Variants in CDH18 observed in about 807,000 individuals in gnomAD.
CDH18 encodes the protein cadherin-18.
CDH18 carries 31 observed loss-of-function variants against 67.9 expected under a neutral mutation model. That is an observed-to-expected ratio of 0.46 (90% CI 0.34 to 0.62). CDH18 has a LOEUF of 0.62. CDH18 is among the 20% of genes least tolerant of loss of function. The probability of loss-of-function intolerance (pLI) is 0.01; values close to 1 mark genes in which losing one functional copy is unlikely to be tolerated. For missense variants in CDH18, 890 were observed against 975.5 expected (o/e 0.91, Z 1.17); for synonymous variants, 362 against 347.2 (o/e 1.04, Z -0.48).
intron 3 of CDH18, among the ~76,000 whole-genome samples, chr5:19,761,246 G>A (rs572413595): frequency 6.6e-6 from 1 of 152,288 alleles, no homozygotes; most frequent in East Asian, 1.9e-4. Context: ...TTGAGGCTCA[G>A]TATCTGCTTC....
intron 3 of CDH18, among the ~76,000 whole-genome samples, chr5:19,752,653 T>C (rs1170747499): frequency 1.3e-5 from 2 of 152,124 alleles, no homozygotes; most frequent in Non-Finnish European, 1.5e-5. Flanking sequence ...CCACCTGCCA[T>C]GGGTTCCTCT....
At chr5:19,947,804 A>G (rs902634829) in intron 2 of CDH18, among the ~76,000 whole-genome samples, 22 of 152,112 alleles carry the variant, frequency 1.4e-4, no homozygotes, top group Admixed American at 6.6e-4. Flanking sequence ...ATTGCTTTTC[A>G]ACAGACTCTG....
intron 2 of CDH18, among the ~76,000 whole-genome samples, chr5:20,015,962 A>G (rs1344242441): frequency 1.3e-5 from 2 of 152,134 alleles, no homozygotes; most frequent in African/African-American, 2.4e-5. Context: ...TGTGGTTGTG[A>G]GAAAACAAAA....
intron 2 of CDH18, among the ~76,000 whole-genome samples, chr5:20,139,794 C>T (rs1013912835): frequency 1.6e-4 from 25 of 152,106 alleles, no homozygotes; most frequent in Non-Finnish European, 2.9e-4. Flanking sequence ...GTTAGAATGG[C>T]GATCATTAAA....
intron 1 of CDH18, among the ~76,000 whole-genome samples, chr5:20,356,751 CTCTATATA>C (rs1484514079): frequency 4.7e-5 from 6 of 127,072 alleles, no homozygotes; most frequent in African/African-American, 1.9e-4. Context: ...CTCTCTCTCT[CTCTATATA>C]TATATATATA....
At chr5:19,893,366 T>C (rs1320949648) in intron 2 of CDH18, among the ~76,000 whole-genome samples, 1 of 152,172 alleles carries the variant, frequency 6.6e-6, no homozygotes, top group Non-Finnish European at 1.5e-5. Flanking sequence ...AGTACCATAG[T>C]GAGAAAAGTT....
chr5:19,609,505 G>C (rs570781181), intron 6 of CDH18, among the ~76,000 whole-genome samples: 4 of 151,994 alleles, frequency 2.6e-5, no homozygotes, highest in South Asian at 2.1e-4. Flanking sequence ...CTCTAGAGTA[G>C]AGACATTGTA....
chr5:19,658,656 C>CT (rs869137343), intron 5 of CDH18, among the ~76,000 whole-genome samples: 44 of 145,406 alleles, frequency 3.0e-4, no homozygotes, highest in South Asian at 1.3e-3. Flanking sequence ...TTCTTTTTTT[C>CT]TTTTTTTTTT....
intron 3 of CDH18, among the ~76,000 whole-genome samples, chr5:19,752,569 C>T (rs1770992304): frequency 6.6e-6 from 1 of 152,110 alleles, no homozygotes; most frequent in African/African-American, 2.4e-5. Context: ...GGCCCTGCCC[C>T]CACCCAATGG....
chr5:19,729,120 G>A (rs1048344793), intron 4 of CDH18, among the ~76,000 whole-genome samples: 1 of 152,018 alleles, frequency 6.6e-6, no homozygotes, highest in Non-Finnish European at 1.5e-5. Context: ...TAATTTCTGT[G>A]CACTTTCAAT....
intron 1 of CDH18, among the ~76,000 whole-genome samples, chr5:20,494,806 A>G (rs1044108480): frequency 1.3e-5 from 2 of 152,078 alleles, no homozygotes. Context: ...GGATATCCCT[A>G]CAGAAAAAGT....
intron 10 of CDH18, among the ~76,000 whole-genome samples, chr5:19,515,309 G>A (rs559752105): frequency 1.1e-4 from 16 of 152,280 alleles, no homozygotes; most frequent in African/African-American, 3.9e-4. Context: ...TTTTTGCTTA[G>A]GATTGTCTTG....
At chr5:19,584,630 G>C (rs577385426) in intron 7 of CDH18, among the ~76,000 whole-genome samples, 1 of 151,438 alleles carries the variant, frequency 6.6e-6, no homozygotes, top group African/African-American at 2.4e-5. Flanking sequence ...TACCTCAGAG[G>C]AAATCTAGAC....
At chr5:20,399,956 G>A (rs972330140) in intron 1 of CDH18, among the ~76,000 whole-genome samples, 2 of 152,090 alleles carry the variant, frequency 1.3e-5, no homozygotes, top group Non-Finnish European at 2.9e-5. Context: ...ATAAGACAGT[G>A]TACACTCTTA....
At chr5:20,477,631 C>T (rs1344834368) in intron 1 of CDH18, among the ~76,000 whole-genome samples, 1 of 152,216 alleles carries the variant, frequency 6.6e-6, no homozygotes, top group Non-Finnish European at 1.5e-5. Flanking sequence ...TGATGGGAAC[C>T]TGAGTTCCAG....
intron 2 of CDH18, among the ~76,000 whole-genome samples, chr5:20,067,601 A>G (rs927520562): frequency 1.3e-5 from 2 of 152,070 alleles, no homozygotes; most frequent in African/African-American, 2.4e-5. Context: ...CTTGTTTCCA[A>G]TCTCAAACTA....
chr5:19,611,092 C>T (rs1748874631), intron 6 of CDH18, among the ~76,000 whole-genome samples: 1 of 152,010 alleles, frequency 6.6e-6, no homozygotes, highest in Non-Finnish European at 1.5e-5. Flanking sequence ...AATGCTGGGC[C>T]CTCACTGGGC....
intron 3 of CDH18, among the ~76,000 whole-genome samples, chr5:19,819,488 G>C (rs1378166682): frequency 6.6e-6 from 1 of 152,120 alleles, no homozygotes; most frequent in Non-Finnish European, 1.5e-5. Context: ...GACAAAGCTA[G>C]GAAGCCTATA....
chr5:19,834,191 C>T (rs1482208069), intron 3 of CDH18, among the ~76,000 whole-genome samples: 1 of 149,772 alleles, frequency 6.7e-6, no homozygotes. Flanking sequence ...TAGTTACTGA[C>T]TCAATTTCAG....
Sources: allele counts gnomAD v4.1 joint callset (sites outside exome capture counted in the v4.1 genomes callset), GRCh38; gene constraint gnomAD v4.1.1; transcripts MANE v1.5; gene names NCBI Gene and HGNC (gene_info 2026-07-23, HGNC 2026-07-21).